TMIGD1: variants seen among roughly 807,000 people sequenced by gnomAD.
The protein encoded by TMIGD1 is transmembrane and immunoglobulin domain containing 1.
In TMIGD1, 29 loss-of-function variants were observed where a neutral mutation model predicts 27.5. That is an observed-to-expected ratio of 1.05 (90% confidence interval 0.78 to 1.44). The LOEUF is 1.44. Ranked by LOEUF, TMIGD1 falls within the 40% of genes most tolerant of loss-of-function variation. TMIGD1 has a pLI of 0.00. For synonymous variants in TMIGD1, 109 were observed against 110.3 expected (o/e 0.99, Z 0.07); for missense variants, 334 against 310.6 (o/e 1.08, Z -0.57).
At chr17:30,323,407 G>A (rs1340218712) in intron 4 of TMIGD1, among the ~76,000 whole-genome samples, 1 of 152,162 alleles carries the variant, frequency 6.6e-6, no homozygotes, top group Non-Finnish European at 1.5e-5. Context: ...TCACTGAGCC[G>A]TGAAGCCAGG....
At chr17:30,326,838 TATGAGAGG>T (rs1336982303) in intron 3 of TMIGD1, among the ~76,000 whole-genome samples, 1 of 152,166 alleles carries the variant, frequency 6.6e-6, no homozygotes, top group Non-Finnish European at 1.5e-5. Flanking sequence ...AGCAACGAGG[TATGAGAGG>T]ACCTGTTTCT....
In TMIGD1 at chr17:30,329,432, G is replaced by C. The variant is rs767876965; in HGVS notation, c.180C>G (p.Thr60=). 1 of 1,614,022 alleles carries C rather than the reference G, an allele frequency of 6.2e-7. No homozygotes were observed. Among genetic ancestry groups the C allele is most frequent in the African/African-American group, 1.3e-5 (1 of 74,902 alleles). The part of the protein sequence containing the change: ...ASLICAVQNH[T]REEELLWYRE... ...GGTACCAGAGCAGTTCTTCCTCTCT[G>C]GTGTGGTTTTGAACAGCACATATCA... Residue 60 remains threonine, a synonymous_variant, in exon 3 of 7, where the codon ACC becomes ACG. Transcript: ENST00000328886.
intron 1 of TMIGD1, 86 bp from the exon 2 acceptor site, chr17:30,332,244 T>C (rs1245710601): frequency 2.8e-6 from 2 of 715,454 alleles, no homozygotes; most frequent in Non-Finnish European, 4.7e-6. Context: ...GCATTTAAAG[T>C]GAAGTCCCAG....
chr17:30,328,564 A>G (rs996456764), intron 3 of TMIGD1, among the ~76,000 whole-genome samples: 23 of 152,196 alleles, frequency 1.5e-4, no homozygotes, highest in African/African-American at 5.3e-4. Flanking sequence ...CCCAACGGAA[A>G]AAAATGAGTT....
chr17:30,333,991 AC>A lies in TMIGD1; in HGVS notation c.-26+8del, dbSNP rs1910067604. On this transcript the variant is annotated splice_region_variant and intron_variant, in intron 1 of 6. Coordinates refer to ENST00000328886, the MANE Select transcript of TMIGD1 (RefSeq NM_206832.3). ...TCTACTTTCTATATAAGACAGTCTT[AC>A]CACTTACCTCTTGAGCTCTGAGAAG... 1 of 152,450 alleles carries A rather than the reference AC, an allele frequency of 6.6e-6. No homozygotes were observed. The highest frequency in any genetic ancestry group is 1.5e-5 in the Non-Finnish European group (1 of 68,042). The allele number at this position is 152,450 out of a possible 1,614,324, so 9.4% of individuals were successfully genotyped here.
intron 6 of TMIGD1, 180 bp downstream of exon 6, chr17:30,317,013 A>G: frequency 1.4e-6 from 1 of 715,020 alleles, no homozygotes; most frequent in East Asian, 2.7e-5. Context: ...TCTCTATTCT[A>G]GGCAACTTTT....
At chr17:30,328,174 A>C (rs572922173) in intron 3 of TMIGD1, among the ~76,000 whole-genome samples, 51 of 151,836 alleles carry the variant, frequency 3.4e-4, no homozygotes, top group African/African-American at 1.2e-3. Context: ...AGCTGAGATT[A>C]CAGGTGCCTA....
intron 4 of TMIGD1, among the ~76,000 whole-genome samples, chr17:30,322,298 T>A (rs555221898): frequency 6.6e-6 from 1 of 152,308 alleles, no homozygotes; most frequent in Non-Finnish European, 1.5e-5. Flanking sequence ...GCCCTGGTTC[T>A]GTACTAGCCA....
At chr17:30,320,026 G>A (rs1041765284) in intron 4 of TMIGD1, among the ~76,000 whole-genome samples, 3 of 151,922 alleles carry the variant, frequency 2.0e-5, no homozygotes, top group African/African-American at 7.3e-5. Flanking sequence ...CTAAACACCA[G>A]GTCAACTGAG....
chr17:30,322,737 T>C (rs985458226), intron 4 of TMIGD1, among the ~76,000 whole-genome samples: 9 of 152,154 alleles, frequency 5.9e-5, no homozygotes, highest in Non-Finnish European at 1.0e-4. Context: ...GCTGACCTCC[T>C]GATCCACCCG....
intron 6 of TMIGD1, chr17:30,316,985 G>A (rs1909435530): frequency 3.1e-6 from 2 of 643,342 alleles, no homozygotes; most frequent in South Asian, 3.8e-5. Flanking sequence ...GAGGGAGCAG[G>A]CTTAGGACTA....
Position 30,332,244 on chromosome 17 carries a change from T to A in TMIGD1, c.-25-86A>T, listed in dbSNP as rs1245710601. ...CCTTCTGTCTATTATGCATTTAAAGTGAAGTCCCAGATGAATCATCCCAGC... is the reference window on the plus strand; with the variant it reads ...CCTTCTGTCTATTATGCATTTAAAGAGAAGTCCCAGATGAATCATCCCAGC... On this transcript the variant is annotated intron_variant, in intron 1 of 6. Coordinates refer to ENST00000328886, the MANE Select transcript of TMIGD1 (RefSeq NM_206832.3). The A allele has an allele frequency of 4.2e-6, 3 of 715,334 alleles. No individual in the cohort carries two copies. The Admixed American group carries it at 8.6e-5, about 20-fold the overall frequency. The allele number at this position is 715,334 out of a possible 1,614,324, so 44.3% of individuals were successfully genotyped here. A position where few individuals can be genotyped will look rare whatever the true frequency, so the allele number is the denominator to read the frequency against.
chr17:30,324,800 T>A lies in TMIGD1; in HGVS notation c.640+16A>T. ...AGTTTTGCACTGTGCTGGGTATTAC[T>A]TAAAAAGAGCATTACCTTTAACAAT... On this transcript the variant is annotated intron_variant, in intron 4 of 6. Transcript: ENST00000328886. 1 of 1,612,344 alleles carries A rather than the reference T, an allele frequency of 6.2e-7. No homozygotes were observed. Among genetic ancestry groups the A allele is most frequent in the Non-Finnish European group, 8.5e-7 (1 of 1,178,562 alleles).
rs188160041 is a variant in TMIGD1 at position 30,316,846 on chromosome 17, G to T, written c.786-156C>A. The stretch of plus-strand genomic sequence containing the variant: ...GCGCTAAACAAAGCTGCAAAGAGAA[G>T]GCAGTATGGGGATGAATGTGGTTCC... On this transcript the variant is annotated intron_variant, in intron 6 of 6. Coordinates refer to ENST00000328886, the MANE Select transcript of TMIGD1 (RefSeq NM_206832.3). 9.8e-6 allele frequency: 7 copies of T among 711,970 alleles called. No homozygotes were observed. In the Admixed American group the frequency reaches 1.8e-4, roughly 18 times the overall value. The allele number at this position is 711,970 out of a possible 1,614,324, so 44.1% of individuals were successfully genotyped here.
chr17:30,318,994 T>C (rs1215456364), intron 4 of TMIGD1, 81 bp from the exon 5 acceptor site: 7 of 956,248 alleles, frequency 7.3e-6, no homozygotes, highest in Non-Finnish European at 1.2e-5. Flanking sequence ...CCTTGAACTT[T>C]ATGTGTGTCA....
At chr17:30,320,446 A>G (rs1909581579) in intron 4 of TMIGD1, among the ~76,000 whole-genome samples, 1 of 152,310 alleles carries the variant, frequency 6.6e-6, no homozygotes, top group East Asian at 1.9e-4. Context: ...GCCCCAAGAT[A>G]TGAAAAGAAA....
intron 5 of TMIGD1, among the ~76,000 whole-genome samples, chr17:30,318,355 G>A (rs1909488983): frequency 6.6e-6 from 1 of 152,130 alleles, no homozygotes; most frequent in Admixed American, 6.6e-5. Context: ...CAACCAACGA[G>A]GATAACCACT....
At chr17:30,321,676 T>A (rs946676596) in intron 4 of TMIGD1, among the ~76,000 whole-genome samples, 2 of 152,148 alleles carry the variant, frequency 1.3e-5, no homozygotes, top group African/African-American at 4.8e-5. Flanking sequence ...AACAGGGTCA[T>A]GAGTTAGCAA....
At chr17:30,328,777 G>A (rs1909869430) in intron 3 of TMIGD1, among the ~76,000 whole-genome samples, 1 of 151,896 alleles carries the variant, frequency 6.6e-6, no homozygotes, top group African/African-American at 2.4e-5. Flanking sequence ...CCAACATGGT[G>A]AACCCCCCGT....
Sources: gnomAD v4.1 joint callset for allele counts (sites outside exome capture counted in the v4.1 genomes callset) on GRCh38, gnomAD v4.1.1 for gene constraint, MANE v1.5 for transcripts, NCBI Gene and HGNC (gene_info 2026-07-23, HGNC 2026-07-21) for gene names.